Variants in UBE2Q2 observed in about 807,000 individuals in gnomAD.
The protein encoded by UBE2Q2 is ubiquitin-conjugating enzyme E2 Q2.
In UBE2Q2, 54 loss-of-function variants were observed where a neutral mutation model predicts 59.9. The observed-to-expected ratio is 0.90, with a 90% confidence interval of 0.72 to 1.13. The LOEUF (loss-of-function observed/expected upper bound fraction) is 1.13, where lower values mean the gene tolerates loss of function less well. Ranked by LOEUF, UBE2Q2 falls within the 50% of genes most tolerant of loss-of-function variation. The pLI is 0.00. For missense variants in UBE2Q2, 433 were observed against 441.9 expected (o/e 0.98, Z 0.18); for synonymous variants, 165 against 155.2 (o/e 1.06, Z -0.47).
chr15:75,866,986 G>T (rs970927453), intron 3 of UBE2Q2, among the ~76,000 whole-genome samples: 2 of 152,064 alleles, frequency 1.3e-5, no homozygotes, highest in Admixed American at 1.3e-4. Context: ...GTGATACCTG[G>T]TTATCTCCTC....
At chr15:75,851,135 CTTTTT>C (rs1177827175) in intron 1 of UBE2Q2, among the ~76,000 whole-genome samples, 2 of 140,492 alleles carry the variant, frequency 1.4e-5, no homozygotes, top group African/African-American at 5.2e-5. Context: ...GGATATTCTT[CTTTTT>C]TTTTTTTTTG....
chr15:75,885,424 T>C (rs528231693), intron 9 of UBE2Q2, among the ~76,000 whole-genome samples: 2 of 152,326 alleles, frequency 1.3e-5, no homozygotes, highest in East Asian at 3.9e-4. Context: ...CCTAGTGGTT[T>C]GTTAATAGAT....
At chr15:75,868,119 T>C (rs1459892736) in intron 3 of UBE2Q2, among the ~76,000 whole-genome samples, 1 of 152,154 alleles carries the variant, frequency 6.6e-6, no homozygotes, top group East Asian at 1.9e-4. Context: ...GAGTGTCTAA[T>C]AACAGATGCT....
intron 2 of UBE2Q2, among the ~76,000 whole-genome samples, chr15:75,855,497 A>AC: frequency 6.6e-6 from 1 of 152,112 alleles, no homozygotes; most frequent in South Asian, 2.1e-4. Flanking sequence ...TCTCAAAAAA[A>AC]AAAAAAAATT....
At chr15:75,879,499 G>A (rs1171695119) in intron 8 of UBE2Q2, among the ~76,000 whole-genome samples, 1 of 152,202 alleles carries the variant, frequency 6.6e-6, no homozygotes, top group Non-Finnish European at 1.5e-5. Context: ...GAACACAGTT[G>A]TAAAAGAGAC....
intron 3 of UBE2Q2, among the ~76,000 whole-genome samples, chr15:75,868,290 A>T (rs1304771562): frequency 6.6e-6 from 1 of 152,238 alleles, no homozygotes; most frequent in African/African-American, 2.4e-5. Flanking sequence ...TTTGTCAAAA[A>T]TGGATATGAA....
In UBE2Q2 at chr15:75,866,615, A is replaced by G. The variant is rs74518358; in HGVS notation, c.388-2336A>G. ...GATCTCTATATCTTCAATGTCCCTT[A>G]ACTGTTCTCTTACTTACATCTCTTC... On this transcript the variant is annotated intron_variant, in intron 3 of 12. Transcript: ENST00000267938. 9.0e-3 allele frequency among the ~76,000 whole-genome samples: 1,364 copies of G among 152,186 alleles called. 24 individuals are homozygous for G. The highest frequency in any genetic ancestry group is 0.031 in the African/African-American group (1,305 of 41,524).
chr15:75,890,754 T>G (rs1406833833), intron 10 of UBE2Q2, among the ~76,000 whole-genome samples, 165 bp from the exon 11 acceptor site: 2 of 152,222 alleles, frequency 1.3e-5, no homozygotes, highest in African/African-American at 2.4e-5. Flanking sequence ...GTTTGTTGTT[T>G]TTTTTTGTGA....
chr15:75,866,146 T>C (rs1157111700), intron 3 of UBE2Q2, among the ~76,000 whole-genome samples: 1 of 152,144 alleles, frequency 6.6e-6, no homozygotes, highest in Non-Finnish European at 1.5e-5. Flanking sequence ...TCTCTGTAAC[T>C]GTAAAGTGTG....
At position 75,879,710 on chromosome 15, in the gene UBE2Q2, A is replaced by G. The variant is rs528173671; in HGVS notation, c.825+522A>G. Among the ~76,000 whole-genome samples, 3 of 152,314 alleles carry G rather than the reference A, an allele frequency of 2.0e-5. No individual in the cohort carries two copies. In the South Asian group the frequency reaches 6.2e-4, roughly 32 times the overall value. Reference sequence around the variant, plus strand: ...AGGGCCACAGAACATAAACAGATATACGATTTATCTATGGTGTTAAAATTC... The same window carrying G: ...AGGGCCACAGAACATAAACAGATATGCGATTTATCTATGGTGTTAAAATTC... On this transcript the variant is annotated intron_variant, in intron 8 of 12. Transcript: ENST00000267938.
intron 4 of UBE2Q2, among the ~76,000 whole-genome samples, chr15:75,872,067 C>G (rs887564813): frequency 2.6e-5 from 4 of 151,830 alleles, no homozygotes; most frequent in African/African-American, 9.7e-5. Flanking sequence ...GAAGGGAGCT[C>G]AATGAAGTAT....
chr15:75,856,269 G>GTGTGTGTGTGTATATATATATATA (rs1256142539), intron 2 of UBE2Q2, among the ~76,000 whole-genome samples: 27 of 139,270 alleles, frequency 1.9e-4, no homozygotes, highest in African/African-American at 6.9e-4. Context: ...GTGTGTGTGT[G>GTGTGTGTGTGTATATATATATATA]TATATATATA....
At chr15:75,844,463 G>C (rs1896214777) in intron 1 of UBE2Q2, 5 of 1,551,586 alleles carry the variant, frequency 3.2e-6, no homozygotes, top group Middle Eastern at 1.7e-4. Flanking sequence ...CTGGAAAGGA[G>C]CATAGTACCG....
At chr15:75,849,346 T>C (rs761440878) in intron 1 of UBE2Q2, among the ~76,000 whole-genome samples, 3 of 152,152 alleles carry the variant, frequency 2.0e-5, no homozygotes, top group Non-Finnish European at 4.4e-5. Flanking sequence ...TTCCAGAAGT[T>C]TGTGCATCAG....
chr15:75,854,359 T>C, intron 1 of UBE2Q2, 27 bp from the exon 2 acceptor site: 1 of 1,577,468 alleles, frequency 6.3e-7, no homozygotes, highest in East Asian at 2.2e-5. Context: ...TATGTAAATG[T>C]TTAACATGTG....
chr15:75,856,246 C>CATGTGTGT lies in UBE2Q2; in HGVS notation c.282+1759_282+1760insATGTGTGT, dbSNP rs1555418769. Among the ~76,000 whole-genome samples the CATGTGTGT allele has an allele frequency of 1.1e-3, 143 of 135,696 alleles. 2 individuals are homozygous for CATGTGTGT. The highest frequency in any genetic ancestry group is 4.0e-3 in the African/African-American group (137 of 34,404). The allele number at this position is 135,696 out of a possible 152,430, so 89.0% of individuals were successfully genotyped here. On this transcript the variant is annotated intron_variant, in intron 2 of 12. Coordinates refer to ENST00000267938, the MANE Select transcript of UBE2Q2 (RefSeq NM_173469.4). ...ACATGTATGTGTATATGTGTATATA[C>CATGTGTGT]GTGTGTGTGTGTGTGTGTGTGTGTA...
chr15:75,859,798 G>C (rs1897116486), intron 2 of UBE2Q2, 80 bp from the exon 3 acceptor site: 1 of 959,776 alleles, frequency 1.0e-6, no homozygotes, highest in Admixed American at 3.0e-5. Flanking sequence ...CTACTGGATT[G>C]ATTACAGTAG....
At chr15:75,892,522 G>A (rs1415328805) in intron 11 of UBE2Q2, among the ~76,000 whole-genome samples, 2 of 152,122 alleles carry the variant, frequency 1.3e-5, no homozygotes, top group Admixed American at 6.5e-5. Flanking sequence ...CAGGAATGAT[G>A]AAGAAGACCT....
rs60490503 is a variant in UBE2Q2 at position 75,856,269 on chromosome 15, GTATATA to G, written c.282+1801_282+1806del. Among the ~76,000 whole-genome samples, 1,201 of 139,250 alleles carry G rather than the reference GTATATA, an allele frequency of 8.6e-3. 17 individuals carry two copies. The highest frequency in any genetic ancestry group is 0.031 in the African/African-American group (1,120 of 36,454). The allele number at this position is 139,250 out of a possible 152,430, so 91.4% of individuals were successfully genotyped here. On this transcript the variant is annotated intron_variant, in intron 2 of 12. Coordinates refer to ENST00000267938, the MANE Select transcript of UBE2Q2 (RefSeq NM_173469.4). ...TACGTGTGTGTGTGTGTGTGTGTGT[GTATATA>G]TATATATATATATATATAATGAATT...
Sources: gnomAD v4.1 joint callset for allele counts (sites outside exome capture counted in the v4.1 genomes callset) on GRCh38, gnomAD v4.1.1 for gene constraint, MANE v1.5 for transcripts, NCBI Gene and HGNC (gene_info 2026-07-23, HGNC 2026-07-21) for gene names.